Variants in PASD1 observed in about 807,000 individuals in gnomAD.
The protein encoded by PASD1 is PAS domain containing repressor 1.
Under a neutral mutation model 58.8 loss-of-function variants are expected in PASD1, and 13 were observed. That is an observed-to-expected ratio of 0.22 (90% CI 0.14 to 0.35). The LOEUF is 0.35. PASD1 is among the 10% of genes least tolerant of loss of function. PASD1 has a pLI of 1.00. For missense variants in PASD1, 734 were observed against 568.3 expected, an observed-to-expected ratio of 1.29 and a Z score of -2.96; for synonymous variants, 236 against 216.7, an observed-to-expected ratio of 1.09 and a Z score of -0.78.
intron 4 of PASD1, among the ~76,000 whole-genome samples, chrX:151,613,614 C>T (rs1227351063): frequency 9.0e-6 from 1 of 111,355 alleles, no homozygotes; most frequent in Non-Finnish European, 1.9e-5. Context: ...ATTTGGCTCT[C>T]TTGTTTGTCT....
At chrX:151,661,863 G>T (rs981927050) in intron 10 of PASD1, among the ~76,000 whole-genome samples, 7 of 111,954 alleles carry the variant, frequency 6.3e-5, no homozygotes, top group African/African-American at 2.3e-4. Context: ...TGAGATTGAG[G>T]TCTTGCATTT....
chrX:151,674,809 A>G (rs1288260209), intron 15 of PASD1, among the ~76,000 whole-genome samples: 3 of 112,266 alleles, frequency 2.7e-5, no homozygotes, highest in Non-Finnish European at 5.6e-5. Context: ...AGCTTTAAAA[A>G]TCTTATTATA....
At chrX:151,654,677 A>G (rs983504934) in intron 9 of PASD1, among the ~76,000 whole-genome samples, 5 of 111,779 alleles carry the variant, frequency 4.5e-5, no homozygotes, top group Admixed American at 1.9e-4. Context: ...TAGGACCTGT[A>G]GGTCATTGCT....
At chrX:151,643,751 G>C (rs2014024642) in intron 8 of PASD1, among the ~76,000 whole-genome samples, 1 of 111,459 alleles carries the variant, frequency 9.0e-6, no homozygotes. Flanking sequence ...TAGCAGACTG[G>C]GTTCATATTC....
chrX:151,642,452 A>G (rs2124290951), intron 8 of PASD1, among the ~76,000 whole-genome samples: 1 of 112,071 alleles, frequency 8.9e-6, no homozygotes, highest in African/African-American at 3.2e-5. Context: ...ATATATTCTT[A>G]TTTTCAACAT....
At chrX:151,664,969 G>T (rs1313781758) in intron 11 of PASD1, among the ~76,000 whole-genome samples, 1 of 112,005 alleles carries the variant, frequency 8.9e-6, no homozygotes, top group Admixed American at 9.5e-5. Flanking sequence ...TTTTATATTA[G>T]ACAGGATTAT....
At chrX:151,673,172 A>G in intron 14 of PASD1, 1 of 122,522 alleles carries the variant, frequency 8.2e-6, no homozygotes, top group Middle Eastern at 4.3e-3. Flanking sequence ...CCAAGAACAC[A>G]TGAAGGCTAA....
chrX:151,665,397 A>G (rs930362339), intron 11 of PASD1, among the ~76,000 whole-genome samples: 1 of 111,885 alleles, frequency 8.9e-6, no homozygotes, highest in African/African-American at 3.3e-5. Flanking sequence ...AAAATCACCA[A>G]AATAACCAGC....
Position 151,673,850 on chromosome X carries a change from C to G in PASD1, c.1917-78C>G, listed in dbSNP as rs2014508791. On this transcript the variant is annotated intron_variant, in intron 14 of 15. Transcript: ENST00000370357. Reference sequence around the variant, plus strand: ...CCAAAACCAAATGTGCCTGAAGCACCTACTGATGACCACGTGAGTGTCTCA... The same window carrying G: ...CCAAAACCAAATGTGCCTGAAGCACGTACTGATGACCACGTGAGTGTCTCA... 3.5e-6 allele frequency: 4 copies of G among 1,138,111 alleles called. No homozygotes were observed. The African/African-American group carries it at 7.2e-5, about 20-fold the overall frequency. 93.8% of individuals were successfully genotyped at this position (1,138,111 alleles called of 1,213,427 possible).
chrX:151,676,375 A>T lies in PASD1; in HGVS notation c.*232A>T, dbSNP rs1228137464. The T allele has an allele frequency of 9.8e-6, 3 of 305,473 alleles. No homozygotes were observed. The highest frequency in any genetic ancestry group is 8.8e-4 in the Middle Eastern group (1 of 1,133). The allele number at this position is 305,473 out of a possible 1,213,427, so 25.2% of individuals were successfully genotyped here. On this transcript the variant is annotated 3_prime_UTR_variant, in exon 16 of 16. Transcript: ENST00000370357. ...GTGATCCGTAGTATGCTAGGGTGTG[A>T]CAGCAGCCAGCCACAGCTGGATCTG...
chrX:151,633,303 C>G (rs2013891820), intron 8 of PASD1, among the ~76,000 whole-genome samples: 1 of 111,040 alleles, frequency 9.0e-6, no homozygotes, highest in South Asian at 3.9e-4. Context: ...CCAGATGACT[C>G]TGTGCTCCGA....
intron 9 of PASD1, among the ~76,000 whole-genome samples, chrX:151,652,414 TC>T (rs1319933408): frequency 9.1e-6 from 1 of 109,322 alleles, no homozygotes; most frequent in Non-Finnish European, 1.9e-5. Context: ...ACGCCTGTAG[TC>T]CCAGCTACTC....
chrX:151,583,760 T>C (rs2013128417), intron 1 of PASD1, among the ~76,000 whole-genome samples: 1 of 111,897 alleles, frequency 8.9e-6, no homozygotes, highest in Non-Finnish European at 1.9e-5. Flanking sequence ...CACTTGATAT[T>C]GCTAAGGCTG....
At chrX:151,571,304 C>T (rs950321190) in intron 1 of PASD1, among the ~76,000 whole-genome samples, 3 of 111,289 alleles carry the variant, frequency 2.7e-5, no homozygotes, top group Non-Finnish European at 5.7e-5. Context: ...CTGTCTTTTC[C>T]AGTTCCTTTC....
chrX:151,607,806 A>G (rs910851145), intron 3 of PASD1, among the ~76,000 whole-genome samples: 4 of 112,014 alleles, frequency 3.6e-5, no homozygotes, highest in Non-Finnish European at 7.5e-5. Flanking sequence ...TCATGAATCC[A>G]GTCCCTTTGG....
intron 3 of PASD1, among the ~76,000 whole-genome samples, chrX:151,606,769 A>G (rs191521273): frequency 3.6e-5 from 4 of 110,364 alleles, no homozygotes; most frequent in East Asian, 5.7e-4. Flanking sequence ...TCAAAATGCC[A>G]AAAGCAAGCA....
chrX:151,653,207 T>G (rs2014156819), intron 9 of PASD1, among the ~76,000 whole-genome samples: 1 of 107,683 alleles, frequency 9.3e-6, no homozygotes, highest in Non-Finnish European at 1.9e-5. Flanking sequence ...TTTTTTTTTT[T>G]TTGAGATAAA....
intron 8 of PASD1, among the ~76,000 whole-genome samples, chrX:151,638,158 C>T (rs765032829): frequency 4.4e-4 from 49 of 110,883 alleles, no homozygotes; most frequent in Admixed American, 2.6e-3. Flanking sequence ...AAATCATACT[C>T]ATACAAAACG....
At chrX:151,648,489 G>C in intron 8 of PASD1, 126 bp from the exon 9 acceptor site, 1 of 613,819 alleles carries the variant, frequency 1.6e-6, no homozygotes, top group Non-Finnish European at 2.6e-6. Context: ...AAAGATTAAT[G>C]ATGTTCTGTA....
Sources: gnomAD v4.1 joint callset for allele counts (sites outside exome capture counted in the v4.1 genomes callset) on GRCh38, gnomAD v4.1.1 for gene constraint, MANE v1.5 for transcripts, NCBI Gene and HGNC (gene_info 2026-07-23, HGNC 2026-07-21) for gene names.